The following LUZP2 variants were observed in gnomAD, a reference collection of about 807,000 sequenced individuals.
LUZP2 encodes leucine zipper protein 2.
A neutral mutation model predicts 51.6 loss-of-function variants in LUZP2; 52 were observed. That is an observed-to-expected ratio of 1.01 (90% CI 0.81 to 1.27). The LOEUF (loss-of-function observed/expected upper bound fraction) is 1.27, where lower values mean the gene tolerates loss of function less well. LUZP2 is among the 50% of genes most tolerant of loss of function. The pLI is 0.00. For synonymous variants in LUZP2, 154 were observed against 137.3 expected (o/e 1.12, Z -0.85); for missense variants, 436 against 395.4 (o/e 1.10, Z -0.87).
chr11:24,920,544 T>C (rs546495194), intron 7 of LUZP2, among the ~76,000 whole-genome samples: 3 of 152,234 alleles, frequency 2.0e-5, no homozygotes, highest in Non-Finnish European at 4.4e-5. Context: ...TCAATTGTAA[T>C]ATTCATCAAC....
chr11:24,699,213 A>G (rs1839529558), intron 1 of LUZP2, among the ~76,000 whole-genome samples: 1 of 151,930 alleles, frequency 6.6e-6, no homozygotes, highest in Non-Finnish European at 1.5e-5. Context: ...AGCATCAGTG[A>G]TTTAACCTTT....
At chr11:24,905,381 A>G (rs1285515079) in intron 5 of LUZP2, among the ~76,000 whole-genome samples, 6 of 152,100 alleles carry the variant, frequency 3.9e-5, no homozygotes, top group African/African-American at 1.4e-4. Flanking sequence ...AAAAAAAATT[A>G]GCCAGGCATG....
intron 2 of LUZP2, 53 bp from the exon 3 acceptor site, chr11:24,732,065 G>A: frequency 7.3e-7 from 1 of 1,367,450 alleles, no homozygotes; most frequent in South Asian, 1.2e-5. Context: ...AAGTTAAAGT[G>A]AGTCTCAATT....
chr11:25,027,456 C>A (rs939243668), intron 9 of LUZP2, among the ~76,000 whole-genome samples: 2 of 152,090 alleles, frequency 1.3e-5, no homozygotes, highest in Non-Finnish European at 2.9e-5. Flanking sequence ...TTGTTCTTTT[C>A]TCTGCCTTCA....
At chr11:24,892,029 T>A (rs948906472) in intron 5 of LUZP2, 48 of 985,188 alleles carry the variant, frequency 4.9e-5, no homozygotes, top group Non-Finnish European at 5.3e-5. Flanking sequence ...TGGAAAGGAG[T>A]ATGTATTCCA....
At chr11:24,635,564 A>C (rs1444284259) in intron 1 of LUZP2, among the ~76,000 whole-genome samples, 1 of 152,172 alleles carries the variant, frequency 6.6e-6, no homozygotes, top group Admixed American at 6.6e-5. Context: ...GTTTATCCTT[A>C]AGTAATCAAT....
At chr11:25,048,514 G>A (rs1858390462) in intron 9 of LUZP2, among the ~76,000 whole-genome samples, 1 of 152,130 alleles carries the variant, frequency 6.6e-6, no homozygotes, top group Non-Finnish European at 1.5e-5. Context: ...TGTCATCTTT[G>A]TATTTACCAA....
At chr11:24,898,498 C>T (rs1853158999) in intron 5 of LUZP2, among the ~76,000 whole-genome samples, 1 of 152,086 alleles carries the variant, frequency 6.6e-6, no homozygotes, top group African/African-American at 2.4e-5. Flanking sequence ...GTGGTGGGCG[C>T]CTGTAGTCCC....
chr11:24,758,434 C>T (rs762438644), intron 4 of LUZP2, among the ~76,000 whole-genome samples: 6 of 151,878 alleles, frequency 4.0e-5, no homozygotes, highest in Non-Finnish European at 8.8e-5. Flanking sequence ...ATTAATATCA[C>T]TGGGATCAAC....
At chr11:24,646,944 A>G (rs1590289679) in intron 1 of LUZP2, among the ~76,000 whole-genome samples, 1 of 152,176 alleles carries the variant, frequency 6.6e-6, no homozygotes, top group East Asian at 1.9e-4. Context: ...TGAATTACAC[A>G]TGAGGAAGAA....
intron 5 of LUZP2, among the ~76,000 whole-genome samples, chr11:24,814,430 G>A (rs1166795006): frequency 6.6e-6 from 1 of 152,156 alleles, no homozygotes; most frequent in Non-Finnish European, 1.5e-5. Context: ...TAGAGACTAT[G>A]TATGTGGTCC....
At position 24,611,072 on chromosome 11, in the gene LUZP2, T is replaced by A. The variant is rs1854102416; in HGVS notation, c.62+113767T>A. Among the ~76,000 whole-genome samples, 1 of 152,172 alleles carries A rather than the reference T, an allele frequency of 6.6e-6. No individual in the cohort carries two copies. Among genetic ancestry groups the A allele is most frequent in the Non-Finnish European group, 1.5e-5 (1 of 68,030 alleles). ...ATAGCTTTGTTTTTTTTTATTTTTA[T>A]TTTTTGTTTTGTTTTGTTTTGTTTT... is the stretch of plus-strand genomic sequence containing the variant. On this transcript the variant is annotated intron_variant, in intron 1 of 11. Transcript: ENST00000336930. This position sits in a 1 kb window ranked among gnomAD's most constrained non-coding sequence, Gnocchi z 4.6.
intron 5 of LUZP2, among the ~76,000 whole-genome samples, chr11:24,789,343 T>A (rs562852488): frequency 5.4e-4 from 82 of 152,316 alleles, no homozygotes; most frequent in African/African-American, 1.9e-3. Flanking sequence ...TGTCTCTTTG[T>A]ATAACTTTCT....
intron 1 of LUZP2, among the ~76,000 whole-genome samples, chr11:24,606,475 A>G (rs529561305): frequency 4.3e-4 from 65 of 152,154 alleles, no homozygotes; most frequent in Middle Eastern, 3.4e-3. Context: ...AGGAACCTGT[A>G]GGTGTGTGTG....
chr11:25,050,393 C>T (rs1454434810), intron 10 of LUZP2, among the ~76,000 whole-genome samples: 9 of 150,492 alleles, frequency 6.0e-5, no homozygotes, highest in East Asian at 2.0e-4. Context: ...GCTCCGCCGC[C>T]TCCCGGGTTC....
chr11:24,586,975 G>C (rs1002076723), intron 1 of LUZP2, among the ~76,000 whole-genome samples: 3 of 152,034 alleles, frequency 2.0e-5, no homozygotes, highest in Admixed American at 6.6e-5. Flanking sequence ...ATAGAAATAA[G>C]AACATAGTTT....
intron 9 of LUZP2, among the ~76,000 whole-genome samples, chr11:25,007,730 A>C (rs1856871860): frequency 6.6e-6 from 1 of 152,190 alleles, no homozygotes; most frequent in Admixed American, 6.5e-5. Flanking sequence ...AAATATACCC[A>C]GATTGTTTAA....
At chr11:24,664,039 A>C (rs139607238) in intron 1 of LUZP2, among the ~76,000 whole-genome samples, 19 of 152,286 alleles carry the variant, frequency 1.2e-4, no homozygotes, top group African/African-American at 4.3e-4. Context: ...TACCAGGTAG[A>C]ACGGTGTTGC....
intron 7 of LUZP2, among the ~76,000 whole-genome samples, chr11:24,917,616 G>C (rs998005350): frequency 9.9e-5 from 15 of 152,052 alleles, no homozygotes; most frequent in Admixed American, 5.9e-4. Flanking sequence ...TCTTGTTTTT[G>C]TCAGGTTTGT....
Sources: gnomAD v4.1 joint callset for allele counts (sites outside exome capture counted in the v4.1 genomes callset) on GRCh38, gnomAD v4.1.1 for gene constraint, Gnocchi (gnomAD v3.1) non-coding constraint, MANE v1.5 for transcripts, NCBI Gene and HGNC (gene_info 2026-07-23, HGNC 2026-07-21) for gene names.